The following TACR1 variants were observed in gnomAD, a reference collection of about 807,000 sequenced individuals.
TACR1 encodes the protein substance-P receptor.
In TACR1, 25 loss-of-function variants were observed where a neutral mutation model predicts 35.8. That is an observed-to-expected ratio of 0.70 (90% confidence interval 0.51 to 0.98). The LOEUF is 0.98. Among genes scored for constraint, TACR1 ranks in the 50% least tolerant of loss-of-function variants. The pLI is 0.00. For missense variants in TACR1, 478 were observed against 522.9 expected (o/e 0.91, Z 0.84); for synonymous variants, 195 against 206.7 (o/e 0.94, Z 0.48).
At chr2:75,062,842 CTACTT>C (rs1275593061) in intron 2 of TACR1, among the ~76,000 whole-genome samples, 24 of 152,322 alleles carry the variant, frequency 1.6e-4, no homozygotes, top group African/African-American at 4.3e-4. Context: ...ACATGGTTCT[CTACTT>C]TAATTATAAT....
chr2:75,166,027 T>G (rs1199810574), intron 1 of TACR1, among the ~76,000 whole-genome samples: 1 of 152,312 alleles, frequency 6.6e-6, no homozygotes, highest in East Asian at 1.9e-4. Flanking sequence ...GTCATGCAAA[T>G]GTACATTTCC....
At chr2:75,150,080 C>T (rs1404245034) in intron 1 of TACR1, among the ~76,000 whole-genome samples, 4 of 152,066 alleles carry the variant, frequency 2.6e-5, no homozygotes, top group Non-Finnish European at 5.9e-5. Context: ...CCTTGCATCC[C>T]AGAGATGAAG....
intron 1 of TACR1, among the ~76,000 whole-genome samples, chr2:75,169,577 A>G (rs2104013293): frequency 6.6e-6 from 1 of 152,294 alleles, no homozygotes; most frequent in South Asian, 2.1e-4. Context: ...TCTTGCTAGG[A>G]TAGATGAAGA....
At chr2:75,102,134 A>C (rs1164719382) in intron 2 of TACR1, among the ~76,000 whole-genome samples, 4 of 152,098 alleles carry the variant, frequency 2.6e-5, no homozygotes, top group African/African-American at 9.7e-5. Flanking sequence ...CCTGTTGGGT[A>C]ATGAGAAACA....
At chr2:75,104,737 A>G (rs1673606533) in intron 2 of TACR1, among the ~76,000 whole-genome samples, 1 of 152,062 alleles carries the variant, frequency 6.6e-6, no homozygotes, top group Non-Finnish European at 1.5e-5. Flanking sequence ...CAGGAGGAAA[A>G]ATTCTCAAAA....
At chr2:75,104,184 G>A (rs1673596151) in intron 2 of TACR1, among the ~76,000 whole-genome samples, 1 of 151,872 alleles carries the variant, frequency 6.6e-6, no homozygotes, top group South Asian at 2.1e-4. Flanking sequence ...TTGGCTTTAA[G>A]GACACACAAA....
At chr2:75,100,243 C>G (rs1407899421) in intron 2 of TACR1, among the ~76,000 whole-genome samples, 1 of 152,178 alleles carries the variant, frequency 6.6e-6, no homozygotes, top group Non-Finnish European at 1.5e-5. Context: ...ATTTGCCTAC[C>G]ACTTTGAGCT....
Position 75,049,312 on chromosome 2 carries a change from C to T in TACR1, c.*120G>A. On this transcript the variant is annotated 3_prime_UTR_variant, in exon 5 of 5. Transcript: ENST00000305249. ...GAATGTTTTCCCTAACCCATACTGA[C>T]CCTTTTTGCAAGTCCCAGTGTGAGG... is the stretch of plus-strand genomic sequence containing the variant. 8.8e-7 allele frequency: 1 copy of T among 1,134,384 alleles called. No individual in the cohort carries two copies. The highest frequency in any genetic ancestry group is 2.4e-5 in the East Asian group (1 of 41,388). The allele number at this position is 1,134,384 out of a possible 1,614,324, so 70.3% of individuals were successfully genotyped here. A position where few individuals can be genotyped will look rare whatever the true frequency, so the allele number is the denominator to read the frequency against.
At chr2:75,136,024 A>C (rs932814241) in intron 1 of TACR1, among the ~76,000 whole-genome samples, 2 of 152,260 alleles carry the variant, frequency 1.3e-5, no homozygotes, top group African/African-American at 4.8e-5. Flanking sequence ...CAGAGGATGA[A>C]GCAGCACAGA....
intron 2 of TACR1, among the ~76,000 whole-genome samples, chr2:75,102,574 A>G (rs1453592991): frequency 2.0e-5 from 3 of 152,250 alleles, no homozygotes; most frequent in Non-Finnish European, 2.9e-5. Flanking sequence ...TAATCATACA[A>G]GTATCTTGGG....
At chr2:75,075,942 A>G (rs1308647756) in intron 2 of TACR1, among the ~76,000 whole-genome samples, 1 of 152,278 alleles carries the variant, frequency 6.6e-6, no homozygotes. Context: ...TTGAATCTAC[A>G]TAACATGTCT....
intron 1 of TACR1, among the ~76,000 whole-genome samples, chr2:75,147,957 A>T (rs888998117): frequency 3.9e-5 from 6 of 152,184 alleles, no homozygotes; most frequent in Non-Finnish European, 8.8e-5. Context: ...CGTGTTAGCC[A>T]GGATGGTCTT....
At chr2:75,069,383 T>C (rs11679424) in intron 2 of TACR1, among the ~76,000 whole-genome samples, 37,288 of 151,660 alleles carry the variant, frequency 0.25, 5,867 homozygotes, top group African/African-American at 0.41. Context: ...GACAATTTTA[T>C]TTTAGAATAA....
rs147469659 is a variant in TACR1, at chr2:75,111,777, G to A, written c.584+8797C>T. ...AATATATGTTTACACTTTCTTAGATGGCATAAAGAAATGTTAGAAGGTTCA... is the reference window on the plus strand; with the variant it reads ...AATATATGTTTACACTTTCTTAGATAGCATAAAGAAATGTTAGAAGGTTCA... On this transcript the variant is annotated intron_variant, in intron 2 of 4. Coordinates refer to ENST00000305249, the MANE Select transcript of TACR1 (RefSeq NM_001058.4). Among the ~76,000 whole-genome samples the A allele has an allele frequency of 2.3e-3, 351 of 151,950 alleles. 2 individuals carry two copies. Among genetic ancestry groups the A allele is most frequent in the African/African-American group, 7.3e-3 (303 of 41,508 alleles).
At chr2:75,181,002 T>G (rs1178796013) in intron 1 of TACR1, among the ~76,000 whole-genome samples, 1 of 152,218 alleles carries the variant, frequency 6.6e-6, no homozygotes, top group South Asian at 2.1e-4. Context: ...GTCTGCCAAG[T>G]TGGTAAACTG....
intron 1 of TACR1, among the ~76,000 whole-genome samples, chr2:75,147,096 C>T (rs1443915432): frequency 6.6e-6 from 1 of 152,222 alleles, no homozygotes; most frequent in African/African-American, 2.4e-5. Flanking sequence ...AGTAGGATTC[C>T]TGTTCCAGTC....
chr2:75,131,175 G>A (rs1418128142), intron 1 of TACR1, among the ~76,000 whole-genome samples: 3 of 151,282 alleles, frequency 2.0e-5, no homozygotes, highest in Non-Finnish European at 4.4e-5. Context: ...TGCAAGCTCC[G>A]CCTCCTGGGT....
chr2:75,189,579 A>G (rs1322898459), intron 1 of TACR1: 1 of 152,252 alleles, frequency 6.6e-6, no homozygotes, highest in African/African-American at 2.4e-5. Context: ...AACACCTAGG[A>G]GGATTTAATG....
chr2:75,085,711 G>A (rs1465648763), intron 2 of TACR1, among the ~76,000 whole-genome samples: 1 of 152,090 alleles, frequency 6.6e-6, no homozygotes, highest in Non-Finnish European at 1.5e-5. Context: ...CGGTGACCTG[G>A]CTGGAGTCAG....
Sources: gnomAD v4.1 joint callset for allele counts (sites outside exome capture counted in the v4.1 genomes callset) on GRCh38, gnomAD v4.1.1 for gene constraint, MANE v1.5 for transcripts, NCBI Gene and HGNC (gene_info 2026-07-23, HGNC 2026-07-21) for gene names.